ACTL6A: variants seen among roughly 807,000 people sequenced by gnomAD.
The protein encoded by ACTL6A is actin like 6A.
In ACTL6A, 5 loss-of-function variants were observed where a neutral mutation model predicts 59.2. The ratio of observed to expected loss-of-function variants is 0.08; its 90% CI spans 0.04 to 0.18. ACTL6A has a LOEUF of 0.18. Among genes scored for constraint, ACTL6A ranks in the 10% least tolerant of loss-of-function variants. The pLI is 1.00. For missense variants in ACTL6A, 285 were observed against 526.9 expected (o/e 0.54, Z 4.49); for synonymous variants, 154 against 171.8 (o/e 0.90, Z 0.81).
chr3:179,576,782 T>A (rs372804741), intron 7 of ACTL6A, 42 bp from the exon 8 acceptor site: 9 of 1,609,694 alleles, frequency 5.6e-6, no homozygotes, highest in East Asian at 2.2e-5. Flanking sequence ...CCCACCCCTA[T>A]GAAGTGAACT....
intron 12 of ACTL6A, chr3:179,584,163 C>T (rs1325160609): frequency 3.3e-5 from 5 of 152,152 alleles, no homozygotes; most frequent in Non-Finnish European, 7.3e-5. Flanking sequence ...GGGAAAATAC[C>T]TCCTTCTTCA....
chr3:179,576,841 A>T lies in ACTL6A; in HGVS notation c.696A>T (p.Gly232=), dbSNP rs1718182374. The T allele has an allele frequency of 3.7e-6, 6 of 1,614,060 alleles. No homozygotes were observed. The highest frequency in any genetic ancestry group is 1.1e-5 in the South Asian group (1 of 91,072). Residue 232 remains glycine (G), a synonymous_variant, in exon 8 of 14, where the codon GGA becomes GGT. Transcript: ENST00000429709. The part of the protein sequence containing the change: ...MIASKEAVRE[G]SPANWKRKEK... ...ACTCTCAGGAAGCTGTTCGTGAAGG[A>T]TCTCCAGCAAACTGGAAAAGAAAAG... is the stretch of plus-strand genomic sequence containing the variant.
At chr3:179,579,254 AGAAGCTAGGTAT>A (rs750962934) in intron 8 of ACTL6A, among the ~76,000 whole-genome samples, 36 of 152,088 alleles carry the variant, frequency 2.4e-4, no homozygotes, top group Non-Finnish European at 4.6e-4. Context: ...TGTTCCTTAT[AGAAGCTAGGTAT>A]TAGACCTTTG....
chr3:179,577,558 C>T (rs555762166), intron 8 of ACTL6A, among the ~76,000 whole-genome samples: 5 of 152,084 alleles, frequency 3.3e-5, no homozygotes, highest in South Asian at 2.1e-4. Context: ...ACTCATGTCA[C>T]GGAAGTTTGT....
At chr3:179,575,643 A>G (rs915084170) in intron 5 of ACTL6A, 3 of 348,382 alleles carry the variant, frequency 8.6e-6, no homozygotes, top group African/African-American at 4.3e-5. Flanking sequence ...TTCAGGTAGT[A>G]TAGGCCATCT....
rs532464328 is a variant in ACTL6A, at chr3:179,573,357, C to T, written c.278-12C>T. ...TATGCATTATTTCCAAGTTACTAATCTTATATTCTAGTTGAAGACTGGGAT... is the reference window on the plus strand; with the variant it reads ...TATGCATTATTTCCAAGTTACTAATTTTATATTCTAGTTGAAGACTGGGAT... On this transcript the variant is annotated splice_polypyrimidine_tract_variant and intron_variant, in intron 3 of 13. Coordinates refer to ENST00000429709, the MANE Select transcript of ACTL6A (RefSeq NM_004301.5). 1.0e-4 allele frequency: 152 copies of T among 1,526,508 alleles called. No individual in the cohort carries two copies. Among genetic ancestry groups the T allele is most frequent in the Non-Finnish European group, 1.3e-4 (149 of 1,129,554 alleles). The allele number at this position is 1,526,508 out of a possible 1,614,324, so 94.6% of individuals were successfully genotyped here.
At chr3:179,581,338 C>A (rs908793185) in intron 11 of ACTL6A, 118 bp downstream of exon 11, 12 of 817,480 alleles carry the variant, frequency 1.5e-5, no homozygotes, top group Non-Finnish European at 2.5e-5. Context: ...CTTTGAGGTT[C>A]ATTTTATAAC....
chr3:179,585,095 GATTT>G (rs965473401), intron 12 of ACTL6A, among the ~76,000 whole-genome samples: 11 of 151,858 alleles, frequency 7.2e-5, no homozygotes, highest in Non-Finnish European at 1.0e-4. Context: ...ATTGATTGGA[GATTT>G]ATTTATTTAT....
At chr3:179,565,430 A>G (rs539816579) in intron 1 of ACTL6A, among the ~76,000 whole-genome samples, 1 of 150,192 alleles carries the variant, frequency 6.7e-6, no homozygotes, top group African/African-American at 2.4e-5. Flanking sequence ...AAACATATAT[A>G]TATGTGTGTT....
chr3:179,562,990 G>A lies in ACTL6A; in HGVS notation c.-103G>A, dbSNP rs967041529. Reference sequence around the variant, plus strand: ...TTGCCTGAGGTGGGTGGCGGTGGAAGTTAAGGGAGTCAGGGGCTATCGCTC... The same window carrying A: ...TTGCCTGAGGTGGGTGGCGGTGGAAATTAAGGGAGTCAGGGGCTATCGCTC... On this transcript the variant is annotated 5_prime_UTR_variant, in exon 1 of 14. Transcript: ENST00000429709. The A allele has an allele frequency of 4.7e-6, 7 of 1,489,516 alleles. No homozygotes were observed. The highest frequency in any genetic ancestry group is 5.5e-6 in the Non-Finnish European group (6 of 1,095,908). The allele number at this position is 1,489,516 out of a possible 1,614,324, so 92.3% of individuals were successfully genotyped here.
intron 9 of ACTL6A, 21 bp from the exon 10 acceptor site, chr3:179,580,873 T>A (rs1718318159): frequency 1.3e-6 from 2 of 1,566,684 alleles, no homozygotes; most frequent in East Asian, 4.5e-5. Context: ...TTTTGTGTAA[T>A]ACGGTTTAAT....
At chr3:179,583,488 A>G (rs531411612) in intron 12 of ACTL6A, 40 bp downstream of exon 12, 19 of 1,492,906 alleles carry the variant, frequency 1.3e-5, no homozygotes, top group Admixed American at 7.1e-5. Flanking sequence ...CTTCAGTCAT[A>G]TATTTCCTCA....
chr3:179,562,928 G>A lies in ACTL6A; in HGVS notation c.-165G>A. The A allele has an allele frequency of 1.2e-6, 1 of 830,180 alleles. No homozygotes were observed. The highest frequency in any genetic ancestry group is 2.0e-6 in the Non-Finnish European group (1 of 502,988). The allele number at this position is 830,180 out of a possible 1,614,324, so 51.4% of individuals were successfully genotyped here. On this transcript the variant is annotated 5_prime_UTR_variant, in exon 1 of 14. It adds an upstream start codon to the 5' untranslated region. Transcript: ENST00000429709. ...ATTGGCTGATAGGAGGAGCCAGCAA[G>A]TGTGGCTGAGCTCCGGGGTGTGTGG... is the stretch of plus-strand genomic sequence containing the variant.
intron 5 of ACTL6A, chr3:179,575,470 G>C (rs138438642): frequency 1.1e-4 from 49 of 456,566 alleles, no homozygotes; most frequent in Non-Finnish European, 2.2e-4. Flanking sequence ...GTGCACCATT[G>C]TGTGTCTACT....
At position 179,588,013 on chromosome 3, in the gene ACTL6A, A is replaced by G. The variant is rs764936850; in HGVS notation, c.*3A>G. On this transcript the variant is annotated 3_prime_UTR_variant, in exon 14 of 14. Transcript: ENST00000429709. ...GTGTAGAAAGAAAATGCCCTTGAGA[A>G]AGAGTTCCCAAGCTTCTACCTTCCT... 1.9e-6 allele frequency: 3 copies of G among 1,593,762 alleles called. No individual in the cohort carries two copies. Among genetic ancestry groups the G allele is most frequent in the Non-Finnish European group, 2.6e-6 (3 of 1,173,570 alleles).
At chr3:179,586,313 T>C (rs1718485937) in intron 12 of ACTL6A, among the ~76,000 whole-genome samples, 1 of 151,906 alleles carries the variant, frequency 6.6e-6, no homozygotes, top group East Asian at 1.9e-4. Context: ...CAGGGAGCCA[T>C]TATGAAGTCT....
At chr3:179,578,590 G>T (rs573012163) in intron 8 of ACTL6A, among the ~76,000 whole-genome samples, 37 of 152,182 alleles carry the variant, frequency 2.4e-4, no homozygotes, top group African/African-American at 8.7e-4. Context: ...GTGCCTTCTA[G>T]CCTGGGTAAC....
intron 11 of ACTL6A, among the ~76,000 whole-genome samples, chr3:179,581,490 A>G (rs1388972843): frequency 6.6e-6 from 1 of 152,260 alleles, no homozygotes; most frequent in African/African-American, 2.4e-5. Context: ...CTTCAGTTGT[A>G]GTAGCCTCAT....
At chr3:179,583,320 A>C in intron 11 of ACTL6A, 33 bp from the exon 12 acceptor site, 1 of 1,518,846 alleles carries the variant, frequency 6.6e-7, no homozygotes, top group South Asian at 1.1e-5. Flanking sequence ...AAACATATGG[A>C]ACTAATTGAT....
Sources: allele counts gnomAD v4.1 joint callset (sites outside exome capture counted in the v4.1 genomes callset), GRCh38; gene constraint gnomAD v4.1.1; transcripts MANE v1.5; gene names NCBI Gene and HGNC (gene_info 2026-07-23, HGNC 2026-07-21).